MSANTD4: variants seen among roughly 807,000 people sequenced by gnomAD.
MSANTD4 encodes the protein Myb/SANT DNA binding domain containing 4 with coiled-coils.
In MSANTD4, 13 loss-of-function variants were observed where a neutral mutation model predicts 34.3. That is an observed-to-expected ratio of 0.38 (90% CI 0.25 to 0.60). MSANTD4 has a LOEUF of 0.60. Ranked by LOEUF, MSANTD4 falls within the 20% of genes least tolerant of loss-of-function variation. The pLI is 0.63. For missense variants in MSANTD4, 358 were observed against 401.8 expected (o/e 0.89, Z 0.93); for synonymous variants, 137 against 145.2 (o/e 0.94, Z 0.41).
intron 1 of MSANTD4, among the ~76,000 whole-genome samples, chr11:106,019,943 T>A (rs923043791): frequency 6.6e-6 from 1 of 152,214 alleles, no homozygotes; most frequent in Admixed American, 6.5e-5. Flanking sequence ...ATGGGAATAA[T>A]AGACTAATAC....
At chr11:106,012,399 C>A (rs1396241004) in intron 1 of MSANTD4, among the ~76,000 whole-genome samples, 1 of 152,112 alleles carries the variant, frequency 6.6e-6, no homozygotes, top group African/African-American at 2.4e-5. Context: ...TGGAGAATTT[C>A]TCAGCAGTAC....
At position 106,010,796 on chromosome 11, in the gene MSANTD4, T is replaced by C. The variant is rs1859670595; in HGVS notation, c.122A>G (p.Asn41Ser). The C allele has an allele frequency of 6.2e-7, 1 of 1,614,070 alleles. No homozygotes were observed. The highest frequency in any genetic ancestry group is 1.7e-5 in the Admixed American group (1 of 60,006). ...IFSKQLNTTI[N>S]VMKRMAWEEI... ...TTCCCAAGCCATTCGCTTCATCACA[T>C]TAATTGTTGTATTGAGCTGCTTGGA... Residue 41 changes from asparagine (N) to serine (S), a missense_variant, in exon 2 of 3, where the codon AAT (asparagine) becomes AGT (serine). Transcript: ENST00000301919.
chr11:106,018,993 C>G (rs904476270), intron 1 of MSANTD4, among the ~76,000 whole-genome samples: 3 of 152,168 alleles, frequency 2.0e-5, no homozygotes, highest in Non-Finnish European at 4.4e-5. Flanking sequence ...TAGGTATATA[C>G]TGAGTGTTTA....
chr11:106,009,444 AC>A lies in MSANTD4; in HGVS notation c.*90del. 7.9e-7 allele frequency: 1 copy of A among 1,270,846 alleles called. No individual in the cohort carries two copies. The highest frequency in any genetic ancestry group is 1.5e-5 in the South Asian group (1 of 66,834). 78.7% of individuals were successfully genotyped at this position (1,270,846 alleles called of 1,614,324 possible). ...ACTGAACACTGACATTAGACAAGAA[AC>A]CACAGCTAATCCAGCAACCATCATT... On this transcript the variant is annotated 3_prime_UTR_variant, in exon 3 of 3. Coordinates refer to ENST00000301919, the MANE Select transcript of MSANTD4 (RefSeq NM_032424.3).
chr11:106,010,325 A>T, intron 2 of MSANTD4, 131 bp downstream of exon 2: 1 of 1,402,090 alleles, frequency 7.1e-7, no homozygotes, highest in Non-Finnish European at 9.4e-7. Flanking sequence ...TAAAGAGAAA[A>T]GCAGAATGAC....
At chr11:106,012,978 C>T (rs1459657666) in intron 1 of MSANTD4, among the ~76,000 whole-genome samples, 3 of 152,264 alleles carry the variant, frequency 2.0e-5, no homozygotes, top group South Asian at 4.1e-4. Context: ...GTCAGGGACT[C>T]GATTGTCTCA....
At position 106,009,580 on chromosome 11, in the gene MSANTD4, T is replaced by C. The variant is rs750973435; in HGVS notation, c.993A>G (p.Val331=). ...KLQIEKERLQ[V]EKDRLRIQKE... ...TCTGAATTCGAAGTCTGTCTTTCTC[T>C]ACCTGTAAGCGTTCCTTTTCAATCT... is the stretch of plus-strand genomic sequence containing the variant. Residue 331 remains valine, a synonymous_variant, in exon 3 of 3, where the codon GTA becomes GTG. Transcript: ENST00000301919. 2.0e-5 allele frequency: 32 copies of C among 1,612,146 alleles called. No individual in the cohort carries two copies. Among genetic ancestry groups the C allele is most frequent in the Non-Finnish European group, 2.6e-5 (31 of 1,178,996 alleles).
At chr11:106,015,674 A>G (rs1185848338) in intron 1 of MSANTD4, among the ~76,000 whole-genome samples, 1 of 151,826 alleles carries the variant, frequency 6.6e-6, no homozygotes, top group Non-Finnish European at 1.5e-5. Context: ...CCAAGACGGC[A>G]CTTACTAATA....
intron 1 of MSANTD4, among the ~76,000 whole-genome samples, chr11:106,018,025 T>C (rs1458059787): frequency 2.6e-5 from 4 of 152,130 alleles, no homozygotes; most frequent in Non-Finnish European, 5.9e-5. Context: ...GGACCGCATC[T>C]TGAGTAGCAA....
chr11:106,015,964 A>G (rs1237250606), intron 1 of MSANTD4, among the ~76,000 whole-genome samples: 1 of 152,162 alleles, frequency 6.6e-6, no homozygotes, highest in African/African-American at 2.4e-5. Flanking sequence ...CCTGAGCCCC[A>G]GTGATCTTCC....
At chr11:106,013,479 A>G (rs1014792596) in intron 1 of MSANTD4, among the ~76,000 whole-genome samples, 1 of 152,216 alleles carries the variant, frequency 6.6e-6, no homozygotes, top group African/African-American at 2.4e-5. Flanking sequence ...CAACACAGCT[A>G]GTTAAATGGC....
chr11:106,009,915 C>T lies in MSANTD4; in HGVS notation c.658G>A (p.Asp220Asn). 6.2e-7 allele frequency: 1 copy of T among 1,613,700 alleles called. No homozygotes were observed. Among genetic ancestry groups the T allele is most frequent in the Non-Finnish European group, 8.5e-7 (1 of 1,179,980 alleles). Residue 220 changes from aspartate (D) to asparagine (N), a missense_variant, in exon 3 of 3, where the codon GAT becomes AAT. By Grantham distance (23) the Asp-to-Asn change is conservative. This residue lies in a region of MSANTD4 where 312 missense variants were observed against 317.6 expected (regional missense o/e 0.98). Transcript: ENST00000301919. The stretch of plus-strand genomic sequence containing the variant: ...ACCTGCAGCCTTTCGGCCTCGATAT[C>T]CAGTCGTCGTTTTTCCAACTCTAGT... ...QKLELEKRRL[D>N]IEAERLQVEK... is the part of the protein sequence containing the mutation.
chr11:106,018,380 C>T (rs181841829), intron 1 of MSANTD4, among the ~76,000 whole-genome samples: 1 of 152,080 alleles, frequency 6.6e-6, no homozygotes, highest in Admixed American at 6.5e-5. Context: ...GTCTATAGCA[C>T]ATCAAAATAA....
intron 1 of MSANTD4, among the ~76,000 whole-genome samples, chr11:106,015,263 T>C (rs1859814064): frequency 6.6e-6 from 1 of 152,218 alleles, no homozygotes; most frequent in African/African-American, 2.4e-5. Flanking sequence ...TGGCAATTCC[T>C]AGCTGTGTGG....
upstream of MSANTD4, chr11:106,022,265 C>G (rs1389470193): frequency 6.5e-6 from 1 of 152,770 alleles, no homozygotes; most frequent in Non-Finnish European, 1.5e-5. Flanking sequence ...CATTGATCCC[C>G]CGCCCACTAA....
At position 106,009,791 on chromosome 11, in the gene MSANTD4, C is replaced by T. The variant is rs1565386562; in HGVS notation, c.782G>A (p.Arg261Lys). ...GACTATCTGTAACCTCAACTTTTCT[C>T]TTTCAATCTGCAGCCGCTCCTTCTC... ...QLEKERLQIE[R>K]EKLRLQIVNS... The change falls in exon 3 of 3, where the codon AGA (arginine) becomes AAA (lysine). Residue 261 changes from arginine (R) to lysine (K), a missense_variant. Arg to Lys is a conservative substitution (Grantham distance 26, BLOSUM62 2). This residue lies in a region of MSANTD4 where 312 missense variants were observed against 317.6 expected (regional missense o/e 0.98). Coordinates refer to ENST00000301919, the MANE Select transcript of MSANTD4 (RefSeq NM_032424.3). The T allele has an allele frequency of 4.3e-6, 7 of 1,614,204 alleles. No individual in the cohort carries two copies. Among genetic ancestry groups the T allele is most frequent in the Non-Finnish European group, 5.9e-6 (7 of 1,180,042 alleles).
At chr11:106,018,465 G>A (rs7952626) in intron 1 of MSANTD4, among the ~76,000 whole-genome samples, 25,185 of 152,020 alleles carry the variant, frequency 0.17, 2,387 homozygotes, top group East Asian at 0.37. Context: ...GAATGGGGCC[G>A]GGCATTCAGA....
intron 1 of MSANTD4, among the ~76,000 whole-genome samples, chr11:106,020,223 T>C (rs1020518801): frequency 3.3e-4 from 50 of 152,232 alleles, no homozygotes; most frequent in Non-Finnish European, 7.1e-4. Context: ...TTGATTTGGG[T>C]CTTATAAAAC....
At chr11:106,011,115 A>G (rs1231158677) in intron 1 of MSANTD4, 48 bp from the exon 2 acceptor site, 3 of 874,716 alleles carry the variant, frequency 3.4e-6, no homozygotes, top group Non-Finnish European at 4.9e-6. Context: ...AACTTCTACA[A>G]CATACTTCAA....
Sources: allele counts gnomAD v4.1 joint callset (sites outside exome capture counted in the v4.1 genomes callset), GRCh38; gene constraint gnomAD v4.1.1; regional missense constraint gnomAD v4.1.1; transcripts MANE v1.5; gene names NCBI Gene and HGNC (gene_info 2026-07-23, HGNC 2026-07-21).